PLCB1: variants seen among roughly 807,000 people sequenced by gnomAD.
PLCB1 encodes 1-phosphatidylinositol 4,5-bisphosphate phosphodiesterase beta-1.
Under a neutral mutation model 161.8 loss-of-function variants are expected in PLCB1, and 46 were observed. The ratio of observed to expected loss-of-function variants is 0.28; its 90% CI spans 0.22 to 0.36. PLCB1 has a LOEUF of 0.36. PLCB1 is among the 10% of genes least tolerant of loss of function. PLCB1 has a pLI of 1.00. For missense variants in PLCB1, 1,016 were observed against 1,472.5 expected, an observed-to-expected ratio of 0.69 and a Z score of 5.07; for synonymous variants, 517 against 503.7, an observed-to-expected ratio of 1.03 and a Z score of -0.35.
At chr20:8,170,065 G>A (rs7264745) in intron 2 of PLCB1, among the ~76,000 whole-genome samples, 1 of 152,098 alleles carries the variant, frequency 6.6e-6, no homozygotes, top group Admixed American at 6.6e-5. Flanking sequence ...CCTCCTGCTG[G>A]TCAGTGTCAA....
In PLCB1 at chr20:8,355,648, G is replaced by A. The variant is rs995083019; in HGVS notation, c.178-15734G>A. Reference sequence around the variant, plus strand: ...TTCTTTGAACTGTGTAAGGCAAAGTGCAAAGTTTGGTGGCGAATGAGCAAC... The same window carrying A: ...TTCTTTGAACTGTGTAAGGCAAAGTACAAAGTTTGGTGGCGAATGAGCAAC... On this transcript the variant is annotated intron_variant, in intron 2 of 31. Coordinates refer to ENST00000338037, the MANE Select transcript of PLCB1 (RefSeq NM_015192.4). 2.6e-5 allele frequency among the ~76,000 whole-genome samples: 4 copies of A among 152,286 alleles called. No homozygotes were observed. The East Asian group carries it at 7.7e-4, about 29-fold the overall frequency.
intron 3 of PLCB1, among the ~76,000 whole-genome samples, chr20:8,395,330 G>C (rs1342982137): frequency 6.6e-6 from 1 of 151,914 alleles, no homozygotes; most frequent in Non-Finnish European, 1.5e-5. Context: ...TTTGTTTGAA[G>C]ATTAAAGATT....
At chr20:8,721,735 T>C (rs1056291279) in intron 14 of PLCB1, among the ~76,000 whole-genome samples, 9 of 152,146 alleles carry the variant, frequency 5.9e-5, no homozygotes, top group Admixed American at 4.6e-4. Context: ...AGACAAATCA[T>C]AGGATAAAGT....
intron 25 of PLCB1, among the ~76,000 whole-genome samples, chr20:8,764,505 C>T (rs141312078): frequency 6.6e-6 from 1 of 152,142 alleles, no homozygotes; most frequent in Non-Finnish European, 1.5e-5. Flanking sequence ...TGTTGGTGCC[C>T]TGCCCAGATT....
intron 2 of PLCB1, among the ~76,000 whole-genome samples, chr20:8,354,646 G>A (rs577654341): frequency 2.3e-4 from 35 of 152,242 alleles, no homozygotes; most frequent in Admixed American, 1.2e-3. Flanking sequence ...CTTTGGCCCC[G>A]AATACTGGCC....
At chr20:8,316,451 T>A (rs1018995753) in intron 2 of PLCB1, among the ~76,000 whole-genome samples, 3 of 152,072 alleles carry the variant, frequency 2.0e-5, no homozygotes, top group African/African-American at 7.2e-5. Flanking sequence ...TACAATCAAT[T>A]AGTGCTTATC....
At chr20:8,797,604 G>A (rs1984091959) in intron 31 of PLCB1, among the ~76,000 whole-genome samples, 1 of 151,880 alleles carries the variant, frequency 6.6e-6, no homozygotes, top group Non-Finnish European at 1.5e-5. Flanking sequence ...TTAATTTCAG[G>A]TTTTGTATTT....
At chr20:8,401,189 T>G (rs1211874953) in intron 3 of PLCB1, among the ~76,000 whole-genome samples, 1 of 152,214 alleles carries the variant, frequency 6.6e-6, no homozygotes, top group Non-Finnish European at 1.5e-5. Context: ...TCTAACCATA[T>G]CCTTTGCCCA....
At chr20:8,501,378 C>T (rs6039177) in intron 3 of PLCB1, among the ~76,000 whole-genome samples, 1 of 152,104 alleles carries the variant, frequency 6.6e-6, no homozygotes, top group Non-Finnish European at 1.5e-5. Flanking sequence ...ATGCACCACA[C>T]GCTCTCAGTG....
At chr20:8,319,596 A>G (rs1464685299) in intron 2 of PLCB1, among the ~76,000 whole-genome samples, 1 of 152,058 alleles carries the variant, frequency 6.6e-6, no homozygotes, top group Non-Finnish European at 1.5e-5. Context: ...GTTGAGTACA[A>G]GAAGGAGGGG....
At chr20:8,688,508 A>G (rs1405834095) in intron 10 of PLCB1, among the ~76,000 whole-genome samples, 1 of 151,972 alleles carries the variant, frequency 6.6e-6, no homozygotes, top group Non-Finnish European at 1.5e-5. Context: ...ATCCATCTTG[A>G]GTTGATTTTT....
intron 2 of PLCB1, among the ~76,000 whole-genome samples, chr20:8,288,916 T>C (rs939996159): frequency 2.0e-4 from 31 of 152,224 alleles, no homozygotes; most frequent in African/African-American, 6.0e-4. Context: ...TTCCACTAGA[T>C]ACCATAAGCT....
intron 2 of PLCB1, among the ~76,000 whole-genome samples, chr20:8,276,820 C>A (rs961129588): frequency 4.0e-5 from 6 of 151,872 alleles, no homozygotes; most frequent in African/African-American, 1.4e-4. Context: ...TACAACAGCA[C>A]AACCATAGCC....
chr20:8,443,226 C>G (rs1036836341), intron 3 of PLCB1, among the ~76,000 whole-genome samples: 5 of 152,022 alleles, frequency 3.3e-5, no homozygotes, highest in Non-Finnish European at 7.4e-5. Context: ...GTGATCTGCC[C>G]GCCTTGGCCT....
chr20:8,485,927 A>G (rs900724534), intron 3 of PLCB1, among the ~76,000 whole-genome samples: 13 of 152,200 alleles, frequency 8.5e-5, no homozygotes, highest in African/African-American at 2.7e-4. Flanking sequence ...GGTAATTTAT[A>G]AAGGAAAGCA....
At chr20:8,319,984 C>G (rs142362726) in intron 2 of PLCB1, among the ~76,000 whole-genome samples, 1 of 151,880 alleles carries the variant, frequency 6.6e-6, no homozygotes, top group Non-Finnish European at 1.5e-5. Flanking sequence ...CACCCTAAAA[C>G]TTAAAGTATA....
intron 31 of PLCB1, among the ~76,000 whole-genome samples, chr20:8,862,502 G>C (rs146668807): frequency 1.3e-3 from 194 of 152,286 alleles, no homozygotes; most frequent in African/African-American, 4.4e-3. Flanking sequence ...GAATCTAATT[G>C]GCTATGGTTA....
At chr20:8,228,827 T>A (rs369142959) in intron 2 of PLCB1, among the ~76,000 whole-genome samples, 117 of 152,300 alleles carry the variant, frequency 7.7e-4, no homozygotes, top group African/African-American at 2.7e-3. Flanking sequence ...TTTTGATACA[T>A]GTCTAGTGAT....
chr20:8,242,186 C>A (rs946646139), intron 2 of PLCB1, among the ~76,000 whole-genome samples: 1 of 151,676 alleles, frequency 6.6e-6, no homozygotes, highest in African/African-American at 2.4e-5. Context: ...TTTTTTTTCT[C>A]TCTGCAGAAT....
Sources: allele counts gnomAD v4.1 joint callset (sites outside exome capture counted in the v4.1 genomes callset), GRCh38; gene constraint gnomAD v4.1.1; transcripts MANE v1.5; gene names NCBI Gene and HGNC (gene_info 2026-07-23, HGNC 2026-07-21).